The following FRAS1 variants were observed in gnomAD, a reference collection of about 807,000 sequenced individuals.
The protein encoded by FRAS1 is Fraser extracellular matrix complex subunit 1, also known as extracellular matrix organizing protein FRAS1.
FRAS1 carries 290 observed loss-of-function variants against 435.2 expected under a neutral mutation model. The ratio of observed to expected loss-of-function variants is 0.67; its 90% confidence interval spans 0.61 to 0.73. The LOEUF is 0.73. FRAS1 is among the 30% of genes least tolerant of loss of function. FRAS1 has a pLI of 0.00. For synonymous variants in FRAS1, 1,800 were observed against 1,851.0 expected (o/e 0.97, Z 0.71); for missense variants, 4,860 against 5,001.5 (o/e 0.97, Z 0.85).
Position 78,540,744 on chromosome 4 carries a change from A to G in FRAS1, c.11659A>G (p.Asn3887Asp). 6.2e-7 allele frequency: 1 copy of G among 1,613,858 alleles called. No homozygotes were observed. The highest frequency in any genetic ancestry group is 1.3e-5 in the African/African-American group (1 of 75,032). The change falls in exon 74 of 74, where the codon AAT becomes GAT. Residue 3887 changes from asparagine to aspartate, a missense_variant. Transcript: ENST00000512123. ...VKNGTNMKSL[N>D]LEMQELAVAA... Reference sequence around the variant, plus strand: ...GAATGGCACCAATATGAAGTCCCTGAATCTGGAGATGCAAGAGTTGGCGGT... The same window carrying G: ...GAATGGCACCAATATGAAGTCCCTGGATCTGGAGATGCAAGAGTTGGCGGT...
At position 78,282,866 on chromosome 4, in the gene FRAS1, G is replaced by A. The variant is rs373493301; in HGVS notation, c.1154G>A (p.Arg385Gln). 13 of 1,612,828 alleles carry A rather than the reference G, an allele frequency of 8.1e-6. No individual in the cohort carries two copies. Among genetic ancestry groups the A allele is most frequent in the African/African-American group, 4.0e-5 (3 of 74,870 alleles). Reference sequence around the variant, plus strand: ...GGCCCTTGCAAGGTGTGTGAGTGCCGAGGGGCTCAGGTAACTTGCTACGAG... The same window carrying A: ...GGCCCTTGCAAGGTGTGTGAGTGCCAAGGGGCTCAGGTAACTTGCTACGAG... ...EDGPCKVCEC[R>Q]GAQVTCYEPS... Residue 385 changes from arginine (R) to glutamine (Q), a missense_variant, in exon 12 of 74, where the codon CGA becomes CAA. By Grantham distance (43) the Arg-to-Gln change is conservative. Coordinates refer to ENST00000512123, the MANE Select transcript of FRAS1 (RefSeq NM_025074.7).
At chr4:78,149,946 G>A (rs149934766) in intron 2 of FRAS1, among the ~76,000 whole-genome samples, 1 of 152,316 alleles carries the variant, frequency 6.6e-6, no homozygotes, top group Non-Finnish European at 1.5e-5. Context: ...AGCTGCAGTG[G>A]TGGCTCCAAG....
chr4:78,374,342 A>C (rs1269307689), intron 25 of FRAS1, 91 bp downstream of exon 25: 1 of 1,295,170 alleles, frequency 7.7e-7, no homozygotes, highest in Admixed American at 2.1e-5. Context: ...GAATACTTAA[A>C]TTAGAAAGCA....
chr4:78,311,450 C>CGTCATA (rs2110225662), intron 15 of FRAS1, among the ~76,000 whole-genome samples: 1 of 152,224 alleles, frequency 6.6e-6, no homozygotes, highest in South Asian at 2.1e-4. Flanking sequence ...GGTGTGCCCC[C>CGTCATA]GTCATATTAC....
At chr4:78,460,893 A>G (rs1012460370) in intron 47 of FRAS1, among the ~76,000 whole-genome samples, 3 of 152,236 alleles carry the variant, frequency 2.0e-5, no homozygotes, top group African/African-American at 7.2e-5. Context: ...TATGTGCTCA[A>G]TAGAACCTCT....
intron 48 of FRAS1, 31 bp from the exon 49 acceptor site, chr4:78,464,412 G>C (rs1006115938): frequency 1.2e-6 from 2 of 1,613,608 alleles, no homozygotes; most frequent in Middle Eastern, 1.7e-4. Flanking sequence ...CTAGGGACAG[G>C]TGTCCCACCT....
chr4:78,486,120 C>T (rs1281846262), intron 58 of FRAS1, among the ~76,000 whole-genome samples: 1 of 152,208 alleles, frequency 6.6e-6, no homozygotes, highest in Non-Finnish European at 1.5e-5. Flanking sequence ...CCTGTGTGTG[C>T]ATCTGTGGCA....
intron 2 of FRAS1, among the ~76,000 whole-genome samples, chr4:78,183,083 A>G (rs557293397): frequency 6.6e-6 from 1 of 152,286 alleles, no homozygotes; most frequent in South Asian, 2.1e-4. Flanking sequence ...GCAATGCCGC[A>G]GAAGTCTCTG....
At chr4:78,324,794 G>A (rs1266955693) in intron 18 of FRAS1, among the ~76,000 whole-genome samples, 3 of 132,918 alleles carry the variant, frequency 2.3e-5, no homozygotes, top group Non-Finnish European at 3.1e-5. Flanking sequence ...TAATAATGCA[G>A]CTCTGTCGCC....
intron 2 of FRAS1, chr4:78,180,995 T>A (rs1385756015): frequency 6.2e-7 from 1 of 1,610,078 alleles, no homozygotes; most frequent in Non-Finnish European, 8.5e-7. Context: ...TGCCGCCACG[T>A]CCTGGGCGGC....
At chr4:78,436,256 T>C (rs1387377981) in intron 38 of FRAS1, among the ~76,000 whole-genome samples, 1 of 152,078 alleles carries the variant, frequency 6.6e-6, no homozygotes, top group South Asian at 2.1e-4. Context: ...AATAAACATA[T>C]GAAGAGATAG....
chr4:78,263,491 T>C (rs143621224), intron 6 of FRAS1, among the ~76,000 whole-genome samples: 11 of 152,336 alleles, frequency 7.2e-5, no homozygotes, highest in East Asian at 1.9e-4. Context: ...TTGCTTAAGA[T>C]AGATTGATGC....
intron 2 of FRAS1, among the ~76,000 whole-genome samples, chr4:78,068,882 A>G (rs2109854721): frequency 6.6e-6 from 1 of 152,316 alleles, no homozygotes; most frequent in East Asian, 1.9e-4. Flanking sequence ...TATTATCTAC[A>G]TCATTCACTG....
chr4:78,290,648 C>G (rs1560630783), intron 14 of FRAS1, among the ~76,000 whole-genome samples: 1 of 151,910 alleles, frequency 6.6e-6, no homozygotes, highest in Non-Finnish European at 1.5e-5. Flanking sequence ...CTGGGTTTCA[C>G]CATATTAGCC....
intron 2 of FRAS1, among the ~76,000 whole-genome samples, chr4:78,195,658 G>C (rs543361206): frequency 2.0e-5 from 3 of 152,260 alleles, no homozygotes; most frequent in Middle Eastern, 3.4e-3. Context: ...CGATTTTCCA[G>C]GTGCTGTCTT....
At chr4:78,512,028 T>C (rs905943373) in intron 64 of FRAS1, among the ~76,000 whole-genome samples, 2 of 152,198 alleles carry the variant, frequency 1.3e-5, no homozygotes, top group African/African-American at 4.8e-5. Context: ...AGTATGTATT[T>C]TGAGTATCTT....
chr4:78,385,836 G>C (rs1241355201), intron 28 of FRAS1, among the ~76,000 whole-genome samples: 1 of 150,424 alleles, frequency 6.6e-6, no homozygotes, highest in African/African-American at 2.5e-5. Context: ...AGTGAGCTGA[G>C]ATCGTGCCAC....
chr4:78,488,390 T>C (rs866523191), intron 58 of FRAS1, among the ~76,000 whole-genome samples: 1 of 152,178 alleles, frequency 6.6e-6, no homozygotes, highest in Admixed American at 6.5e-5. Flanking sequence ...TTTATACTTA[T>C]GTCCCCACTC....
chr4:78,189,270 G>T (rs962875721), intron 2 of FRAS1, among the ~76,000 whole-genome samples: 3 of 152,194 alleles, frequency 2.0e-5, no homozygotes, highest in African/African-American at 7.2e-5. Flanking sequence ...GAGGATAAAA[G>T]AAATACTCCC....
Sources: gnomAD v4.1 joint callset for allele counts (sites outside exome capture counted in the v4.1 genomes callset) on GRCh38, gnomAD v4.1.1 for gene constraint, MANE v1.5 for transcripts, NCBI Gene and HGNC (gene_info 2026-07-23, HGNC 2026-07-21) for gene names.